Variants in GPR39 observed in about 807,000 individuals in gnomAD.
GPR39 encodes the protein G protein-coupled receptor 39.
In GPR39, 23 loss-of-function variants were observed where a neutral mutation model predicts 18.4. The ratio of observed to expected loss-of-function variants is 1.25; its 90% CI spans 0.90 to 1.77. GPR39 has a LOEUF of 1.77. GPR39 is among the 40% of genes most tolerant of loss of function. The probability of loss-of-function intolerance (pLI) is 0.00; values close to 1 mark genes in which losing one functional copy is unlikely to be tolerated. For synonymous variants in GPR39, 280 were observed against 257.9 expected (o/e 1.09, Z -0.82); for missense variants, 647 against 602.4 (o/e 1.07, Z -0.78).
chr2:132,452,044 G>T (rs1680640395), intron 1 of GPR39, among the ~76,000 whole-genome samples: 1 of 152,096 alleles, frequency 6.6e-6, no homozygotes, highest in Non-Finnish European at 1.5e-5. Flanking sequence ...GATAGTTTTT[G>T]CTGGGTATAA....
At chr2:132,610,008 G>A (rs1170125904) in intron 1 of GPR39, among the ~76,000 whole-genome samples, 1 of 151,956 alleles carries the variant, frequency 6.6e-6, no homozygotes, top group Non-Finnish European at 1.5e-5. Flanking sequence ...CATTTGCCAA[G>A]ACTCAGTTTA....
intron 1 of GPR39, among the ~76,000 whole-genome samples, chr2:132,501,938 CCA>C (rs1207949945): frequency 6.6e-6 from 1 of 152,250 alleles, no homozygotes; most frequent in Non-Finnish European, 1.5e-5. Context: ...GTATCTTTTT[CCA>C]CACCTTTACC....
chr2:132,555,653 T>C (rs1680137914), intron 1 of GPR39, among the ~76,000 whole-genome samples: 2 of 152,180 alleles, frequency 1.3e-5, no homozygotes, highest in South Asian at 4.1e-4. Flanking sequence ...CATTTCTGAG[T>C]CCTCTATTGG....
intron 1 of GPR39, among the ~76,000 whole-genome samples, chr2:132,520,847 C>T (rs543419975): frequency 7.2e-5 from 11 of 152,274 alleles, no homozygotes; most frequent in East Asian, 1.9e-4. Context: ...CTCAACTGCA[C>T]GTTTCTGTAT....
intron 1 of GPR39, among the ~76,000 whole-genome samples, chr2:132,535,850 T>G (rs546740722): frequency 6.6e-6 from 1 of 152,026 alleles, no homozygotes; most frequent in African/African-American, 2.4e-5. Context: ...AGTTTATTTG[T>G]GTAGAGGTGT....
At chr2:132,615,936 CTTTTTTTTTTT>C (rs35978559) in intron 1 of GPR39, among the ~76,000 whole-genome samples, 6 of 134,144 alleles carry the variant, frequency 4.5e-5, no homozygotes, top group Non-Finnish European at 3.2e-5. Flanking sequence ...CATTCCAGCT[CTTTTTTTTTTT>C]TTTTTTTGGA....
chr2:132,553,313 ATGTGTGTG>A (rs149187122), intron 1 of GPR39, among the ~76,000 whole-genome samples: 3 of 146,202 alleles, frequency 2.1e-5, no homozygotes, highest in Admixed American at 6.9e-5. Context: ...ATATGTATAT[ATGTGTGTG>A]TGTGTGTGTG....
chr2:132,437,463 G>GA (rs959075171), intron 1 of GPR39, among the ~76,000 whole-genome samples: 22 of 152,272 alleles, frequency 1.4e-4, no homozygotes, highest in Admixed American at 1.2e-3. Context: ...GTGGAGACCA[G>GA]AATGTGTGAA....
intron 1 of GPR39, among the ~76,000 whole-genome samples, chr2:132,435,475 T>A (rs1370973319): frequency 6.6e-6 from 1 of 152,230 alleles, no homozygotes. Flanking sequence ...AAATATGTGT[T>A]AATCGACTGT....
At position 132,618,851 on chromosome 2, in the gene GPR39, T is replaced by G. The variant is rs142416505; in HGVS notation, c.857-26250T>G. Among the ~76,000 whole-genome samples the G allele has an allele frequency of 1.7e-3, 266 of 152,296 alleles. 3 individuals are homozygous for G. Among genetic ancestry groups the G allele is most frequent in the African/African-American group, 6.1e-3 (252 of 41,578 alleles). ...AGGTCCCTACGGAACTGAGGGCGTT[T>G]AGAAGATGGGAGAGGGGCCAAGGGT... On this transcript the variant is annotated intron_variant, in intron 1 of 1. Coordinates refer to ENST00000329321, the MANE Select transcript of GPR39 (RefSeq NM_001508.3).
At chr2:132,557,794 A>AAAACAT (rs1170017918) in intron 1 of GPR39, among the ~76,000 whole-genome samples, 1 of 152,198 alleles carries the variant, frequency 6.6e-6, no homozygotes, top group East Asian at 1.9e-4. Context: ...GTATCTTGTG[A>AAAACAT]AAACATGAAT....
Position 132,442,093 on chromosome 2 carries a change from A to G in GPR39, c.856+24195A>G, listed in dbSNP as rs543319905. On this transcript the variant is annotated intron_variant, in intron 1 of 1. Coordinates refer to ENST00000329321, the MANE Select transcript of GPR39 (RefSeq NM_001508.3). ...TGAAAATCACTTAGCAAGGGATTAC[A>G]TTGGAGACCCAATTTTACCCTGTCT... Among the ~76,000 whole-genome samples, 5 of 152,316 alleles carry G rather than the reference A, an allele frequency of 3.3e-5. No homozygotes were observed. The South Asian group carries it at 1.0e-3, about 32-fold the overall frequency.
intron 1 of GPR39, among the ~76,000 whole-genome samples, chr2:132,472,794 A>AT (rs1239126050): frequency 6.6e-6 from 1 of 152,098 alleles, no homozygotes; most frequent in East Asian, 1.9e-4. Flanking sequence ...TGGATATAGT[A>AT]TTACTTAGCT....
intron 1 of GPR39, among the ~76,000 whole-genome samples, chr2:132,565,183 C>T (rs905180090): frequency 2.0e-5 from 3 of 151,850 alleles, no homozygotes; most frequent in Non-Finnish European, 4.4e-5. Flanking sequence ...GACGATTAGC[C>T]GGGCATGGGG....
intron 1 of GPR39, among the ~76,000 whole-genome samples, chr2:132,589,005 A>T (rs1192802225): frequency 7.6e-6 from 1 of 131,064 alleles, no homozygotes; most frequent in Non-Finnish European, 1.6e-5. Context: ...TCTAACTTAG[A>T]CTCTGCAAAT....
At position 132,531,808 on chromosome 2, in the gene GPR39, A is replaced by C. The variant is rs1364454174; in HGVS notation, c.857-113293A>C. ...GATGTTCTTTGAAACCAATGAGAAC[A>C]AAGACACAATATACCAGAATCTCTG... On this transcript the variant is annotated intron_variant, in intron 1 of 1. Transcript: ENST00000329321. Among the ~76,000 whole-genome samples the C allele has an allele frequency of 6.6e-5, 10 of 152,374 alleles. 1 individual carries two copies. The highest frequency in any genetic ancestry group is 2.4e-4 in the African/African-American group (10 of 41,602).
chr2:132,467,295 G>C (rs547114862), intron 1 of GPR39, among the ~76,000 whole-genome samples: 2 of 152,234 alleles, frequency 1.3e-5, no homozygotes, highest in East Asian at 3.9e-4. Context: ...TATCCTAAAT[G>C]GACTAATGCA....
intron 1 of GPR39, among the ~76,000 whole-genome samples, chr2:132,639,616 A>C (rs1410110987): frequency 6.6e-6 from 1 of 152,218 alleles, no homozygotes; most frequent in Non-Finnish European, 1.5e-5. Flanking sequence ...GGATGGACGG[A>C]TGAATGGGTA....
Position 132,546,839 on chromosome 2 carries a change from CAAAAAAA to C in GPR39, c.857-98242_857-98236del, listed in dbSNP as rs60267293. ...TCTCCAGGATGCAGTAGCTCCACAG[CAAAAAAA>C]AAAAAAAAAAAAAAAAAAAGAGGCA... On this transcript the variant is annotated intron_variant, in intron 1 of 1. Transcript: ENST00000329321. Among the ~76,000 whole-genome samples the C allele has an allele frequency of 2.5e-3, 86 of 33,966 alleles. 1 individual carries two copies. The highest frequency in any genetic ancestry group is 6.0e-3 in the African/African-American group (66 of 11,066). 22.3% of individuals were successfully genotyped at this position (33,966 alleles called of 152,430 possible).
Sources: gnomAD v4.1 joint callset for allele counts (sites outside exome capture counted in the v4.1 genomes callset) on GRCh38, gnomAD v4.1.1 for gene constraint, MANE v1.5 for transcripts, NCBI Gene and HGNC (gene_info 2026-07-23, HGNC 2026-07-21) for gene names.